Variants in ALOXE3 observed in about 807,000 individuals in gnomAD.
The protein encoded by ALOXE3 is arachidonate epidermal lipoxygenase 3, also known as hydroperoxide isomerase ALOXE3.
In ALOXE3, 78 loss-of-function variants were observed where a neutral mutation model predicts 87.5. That is an observed-to-expected ratio of 0.89 (90% CI 0.74 to 1.08). The LOEUF (loss-of-function observed/expected upper bound fraction) is 1.08, where lower values mean the gene tolerates loss of function less well. ALOXE3 is among the 50% of genes least tolerant of loss of function. ALOXE3 has a pLI of 0.00. For synonymous variants in ALOXE3, 363 were observed against 370.8 expected (o/e 0.98, Z 0.24); for missense variants, 946 against 912.4 (o/e 1.04, Z -0.47).
At chr17:8,116,713 A>T (rs2151846862) in intron 3 of ALOXE3, 63 bp downstream of exon 3, 1 of 1,548,812 alleles carries the variant, frequency 6.5e-7, no homozygotes, top group Non-Finnish European at 8.9e-7. Context: ...GCTCTGTGAG[A>T]CCCCACTCCT....
At position 8,109,299 on chromosome 17, in the gene ALOXE3, C is replaced by T. The variant is rs767246830; in HGVS notation, c.1437G>A (p.Thr479=). 9.9e-6 allele frequency: 16 copies of T among 1,613,990 alleles called. No homozygotes were observed. The highest frequency in any genetic ancestry group is 1.3e-5 in the African/African-American group (1 of 74,938). ...GRQGLIYLMS[T]GLAHFTYTNF... ...TGGTGTAGGTGAAGTGGGCCAGGCC[C>T]GTGCTCATGAGGTAGATGAGGCCTT... Residue 479 remains threonine (T), a synonymous_variant, in exon 12 of 16, where the codon ACG becomes ACA. Transcript: ENST00000448843.
At chr17:8,107,401 C>T (rs11658707) in intron 13 of ALOXE3, among the ~76,000 whole-genome samples, 70,487 of 152,022 alleles carry the variant, frequency 0.46, 16,582 homozygotes, top group Middle Eastern at 0.54. Flanking sequence ...CCTGTAATCC[C>T]AGCTACTCGG....
chr17:8,102,279 G>A (rs1978971555), intron 15 of ALOXE3, among the ~76,000 whole-genome samples: 1 of 152,166 alleles, frequency 6.6e-6, no homozygotes, highest in Admixed American at 6.5e-5. Flanking sequence ...TGGATCACAA[G>A]GTCAGGAATT....
rs535126497 is a variant in ALOXE3, at chr17:8,099,715, C to T, written c.1957-2909G>A. Reference sequence around the variant, plus strand: ...CTGCATTTGTGGTTATACGCCTTTCCCATTCCTAATGCTGTGTATTTATGT... The same window carrying T: ...CTGCATTTGTGGTTATACGCCTTTCTCATTCCTAATGCTGTGTATTTATGT... On this transcript the variant is annotated intron_variant, in intron 15 of 15. Transcript: ENST00000448843. Among the ~76,000 whole-genome samples, 3 of 151,694 alleles carry T rather than the reference C, an allele frequency of 2.0e-5. No homozygotes were observed. The East Asian group carries it at 5.8e-4, about 29-fold the overall frequency.
chr17:8,118,481 G>T lies in ALOXE3; in HGVS notation c.-314+5C>A, dbSNP rs767857821. ...CATTCCCAGGCAGAGATGAGCACAGGGCACCTGCATTCCTACGTGTGAATC... is the reference window on the plus strand; with the variant it reads ...CATTCCCAGGCAGAGATGAGCACAGTGCACCTGCATTCCTACGTGTGAATC... On this transcript the variant is annotated splice_donor_5th_base_variant and intron_variant, in intron 1 of 15. Coordinates refer to ENST00000448843, the MANE Select transcript of ALOXE3 (RefSeq NM_021628.3). 3 of 1,546,656 alleles carry T rather than the reference G, an allele frequency of 1.9e-6. No homozygotes were observed. Among genetic ancestry groups the T allele is most frequent in the Non-Finnish European group, 2.6e-6 (3 of 1,146,276 alleles).
At chr17:8,108,389 T>TTG in intron 13 of ALOXE3, 79 bp downstream of exon 13, 1 of 1,576,590 alleles carries the variant, frequency 6.3e-7, no homozygotes, top group South Asian at 1.1e-5. Flanking sequence ...GGTCAATAAA[T>TTG]AACTGATGGG....
At chr17:8,106,054 G>A (rs1231623406) in intron 13 of ALOXE3, among the ~76,000 whole-genome samples, 3 of 151,942 alleles carry the variant, frequency 2.0e-5, no homozygotes, top group Non-Finnish European at 4.4e-5. Flanking sequence ...TATTTCAGAG[G>A]ATTAGCAGGG....
chr17:8,103,600 G>A, intron 14 of ALOXE3, 107 bp from the exon 15 acceptor site: 1 of 1,224,174 alleles, frequency 8.2e-7, no homozygotes, highest in Non-Finnish European at 1.2e-6. Flanking sequence ...TGATAGTTGG[G>A]AAATGAGGGG....
intron 3 of ALOXE3, 91 bp from the exon 4 acceptor site, chr17:8,115,779 A>C (rs1980531670): frequency 7.9e-7 from 1 of 1,263,664 alleles, no homozygotes; most frequent in Non-Finnish European, 1.2e-6. Context: ...CCTTGAACCC[A>C]ATCCGACAGC....
intron 14 of ALOXE3, among the ~76,000 whole-genome samples, chr17:8,103,701 C>T (rs975787263): frequency 6.6e-6 from 1 of 151,700 alleles, no homozygotes. Context: ...AGAAGTGGGG[C>T]AGGAAGCCAG....
At position 8,110,248 on chromosome 17, in the gene ALOXE3, G is replaced by A. The variant is rs563494378; in HGVS notation, c.1149C>T (p.Asp383=). ...TGGCCAGCAGCCAGTCCCATTCGGA[G>A]TCAGTGGGCAGGAAGATGGGGCTGT... ...GPDSPIFLPT[D]SEWDWLLAKT... is the part of the protein sequence containing the mutation. Residue 383 remains aspartate (D), a synonymous_variant, in exon 10 of 16, where the codon GAC becomes GAT. Transcript: ENST00000448843. The A allele has an allele frequency of 1.2e-6, 2 of 1,614,080 alleles. No individual in the cohort carries two copies. The highest frequency in any genetic ancestry group is 2.2e-5 in the East Asian group (1 of 44,868).
At chr17:8,109,424 C>T (rs998808467) in intron 11 of ALOXE3, 81 bp from the exon 12 acceptor site, 12 of 1,564,778 alleles carry the variant, frequency 7.7e-6, no homozygotes, top group South Asian at 2.3e-5. Flanking sequence ...GCTGGGGACT[C>T]GGCCCAAGGA....
In ALOXE3 at chr17:8,115,623, G is replaced by A. The variant is rs370031870; in HGVS notation, c.418C>T (p.Arg140Ter). Residue 140 changes from arginine to a stop codon, truncating the protein, a stop_gained, in exon 4 of 16, where the codon CGA becomes TGA. Coordinates refer to ENST00000448843, the MANE Select transcript of ALOXE3 (RefSeq NM_021628.3). LOFTEE classifies it high-confidence loss of function. The stretch of plus-strand genomic sequence containing the variant: ...CACCCTCACCGGTAGCATTCTTGTC[G>A]GGCCCGGAGCTCCCGTGTCCTGTGA... Reference protein sequence around the residue: ...LDHRTRELRARQECYRWKIYA... With the variant: ...LDHRTRELRA 1.1e-5 allele frequency: 17 copies of A among 1,613,756 alleles called. No individual in the cohort carries two copies. Among genetic ancestry groups the A allele is most frequent in the Middle Eastern group, 3.3e-4 (2 of 6,084 alleles).
rs755113490 is a variant in ALOXE3, at chr17:8,103,374, G to A, written c.1905C>T (p.Ser635=). Residue 635 remains serine (S), a synonymous_variant, in exon 15 of 16, where the codon AGC becomes AGT. Coordinates refer to ENST00000448843, the MANE Select transcript of ALOXE3 (RefSeq NM_021628.3). The part of the protein sequence containing the change: ...YLDTLPEVNI[S]CNNLLLFWLV... The stretch of plus-strand genomic sequence containing the variant: ...ACCAGAAGAGGAGGAGGTTGTTACA[G>A]CTGATGTTCACTTCAGGGAGGGTGT... The A allele has an allele frequency of 2.5e-6, 4 of 1,613,968 alleles. No individual in the cohort carries two copies. In the East Asian group the frequency reaches 6.7e-5, roughly 27 times the overall value.
At chr17:8,102,001 T>C (rs976702819) in intron 15 of ALOXE3, among the ~76,000 whole-genome samples, 4 of 152,118 alleles carry the variant, frequency 2.6e-5, no homozygotes, top group Non-Finnish European at 5.9e-5. Context: ...TATTCACCTG[T>C]TAGAGAGCTT....
In ALOXE3 at chr17:8,116,754, G is replaced by GT; in HGVS notation, c.352+21dup. The GT allele has an allele frequency of 3.1e-6, 5 of 1,611,364 alleles. 1 individual carries two copies. The highest frequency in any genetic ancestry group is 2.2e-5 in the South Asian group (2 of 91,028). ...CAAAGGACACCTTCTGCAGTACAGT[G>GT]TAGTCCTCGTCTCTGGCCCACCTGT... is the stretch of plus-strand genomic sequence containing the variant. On this transcript the variant is annotated intron_variant, in intron 3 of 15. Transcript: ENST00000448843.
At chr17:8,117,724 G>A (rs1377645998) in intron 2 of ALOXE3, 120 bp downstream of exon 2, 1 of 1,529,426 alleles carries the variant, frequency 6.5e-7, no homozygotes, top group Non-Finnish European at 8.7e-7. Flanking sequence ...TAGGGAAGGT[G>A]AGGAGGTCAG....
At chr17:8,106,972 T>C (rs1160329780) in intron 13 of ALOXE3, among the ~76,000 whole-genome samples, 3 of 152,240 alleles carry the variant, frequency 2.0e-5, no homozygotes, top group Non-Finnish European at 4.4e-5. Flanking sequence ...TATATGAATC[T>C]ACAATAGGTT....
intron 13 of ALOXE3, among the ~76,000 whole-genome samples, chr17:8,108,096 C>T (rs1979670506): frequency 6.6e-6 from 1 of 151,670 alleles, no homozygotes; most frequent in East Asian, 1.9e-4. Flanking sequence ...GGAGGGGCCA[C>T]GTGGCAGGAC....
Sources: allele counts gnomAD v4.1 joint callset (sites outside exome capture counted in the v4.1 genomes callset), GRCh38; gene constraint gnomAD v4.1.1; transcripts MANE v1.5; gene names NCBI Gene and HGNC (gene_info 2026-07-23, HGNC 2026-07-21).